WNT11: variants seen among roughly 807,000 people sequenced by gnomAD.
WNT11 encodes the protein Wnt family member 11.
WNT11 carries 20 observed loss-of-function variants against 35.6 expected under a neutral mutation model. The ratio of observed to expected loss-of-function variants is 0.56; its 90% confidence interval spans 0.40 to 0.82. The LOEUF (loss-of-function observed/expected upper bound fraction) is 0.82. WNT11 is among the 40% of genes least tolerant of loss of function. The pLI, the probability that WNT11 is intolerant of heterozygous loss-of-function variation, is 0.00. For missense variants in WNT11, 459 were observed against 504.4 expected (o/e 0.91, Z 0.86); for synonymous variants, 200 against 211.9 (o/e 0.94, Z 0.49).
rs1687733653 is a variant in WNT11, at chr11:76,186,664, G to A, written c.*401C>T. 1 of 338,806 alleles carries A rather than the reference G, an allele frequency of 3.0e-6. No individual in the cohort carries two copies. Among genetic ancestry groups the A allele is most frequent in the African/African-American group, 2.1e-5 (1 of 46,904 alleles). The allele number at this position is 338,806 out of a possible 1,614,324, so 21.0% of individuals were successfully genotyped here. A position where few individuals can be genotyped will look rare whatever the true frequency, so the allele number is the denominator to read the frequency against. The stretch of plus-strand genomic sequence containing the variant: ...CCATGTGGTGGGCCCAGCAGGCTCA[G>A]ACCCCAGGGTGGGCCAGGGGGTCCC... On this transcript the variant is annotated 3_prime_UTR_variant, in exon 5 of 5. Transcript: ENST00000322563.
At chr11:76,196,152 G>A (rs754285918) in intron 2 of WNT11, among the ~76,000 whole-genome samples, 2 of 152,216 alleles carry the variant, frequency 1.3e-5, no homozygotes, top group African/African-American at 4.8e-5. Context: ...TCCCTGACAT[G>A]TGGCCTCACG....
At chr11:76,188,975 G>T (rs889561720) in intron 4 of WNT11, among the ~76,000 whole-genome samples, 5 of 152,218 alleles carry the variant, frequency 3.3e-5, no homozygotes, top group Non-Finnish European at 1.5e-5. Context: ...GGGGCCATGG[G>T]CAGAAGGAGG....
Position 76,194,782 on chromosome 11 carries a change from G to A in WNT11, c.382C>T (p.Arg128Trp), listed in dbSNP as rs763210496. 4.8e-5 allele frequency: 74 copies of A among 1,554,344 alleles called. No individual in the cohort carries two copies. Among genetic ancestry groups the A allele is most frequent in the Non-Finnish European group, 5.9e-5 (68 of 1,152,752 alleles). ...GGCAGGTCGCCGGAGGTGCAGGCCC[G>A]GGCGATGGCGTGGCTGATGGCGGCG... ...SAAAISHAIA[R>W]ACTSGDLPGC... The change falls in exon 3 of 5, where the codon CGG becomes TGG. Residue 128 changes from arginine to tryptophan, a missense_variant. Transcript: ENST00000322563. This position sits in a 1 kb window ranked among gnomAD's most constrained non-coding sequence, Gnocchi z 5.4.
chr11:76,209,476 G>T (rs999709340), upstream of WNT11, among the ~76,000 whole-genome samples: 11 of 152,112 alleles, frequency 7.2e-5, no homozygotes, highest in Non-Finnish European at 1.2e-4. Context: ...TCCGCGCGGC[G>T]CGCAAGGTCG....
At chr11:76,208,719 G>A (rs1247052443), upstream of WNT11, among the ~76,000 whole-genome samples, 1 of 152,276 alleles carries the variant, frequency 6.6e-6, no homozygotes, top group South Asian at 2.1e-4. Context: ...CACAGCGGAC[G>A]GGGACCCAGG....
chr11:76,189,973 TAAG>T (rs1953157224), intron 4 of WNT11, among the ~76,000 whole-genome samples: 1 of 149,588 alleles, frequency 6.7e-6, no homozygotes, highest in African/African-American at 2.5e-5. Flanking sequence ...GCCAGGAGGG[TAAG>T]TGGTGCTGAG....
At chr11:76,204,344 G>C (rs1208539329) in intron 1 of WNT11, among the ~76,000 whole-genome samples, 2 of 152,186 alleles carry the variant, frequency 1.3e-5, no homozygotes, top group Non-Finnish European at 2.9e-5. Flanking sequence ...CAAGCTCTCG[G>C]AGCAGCGTCT....
intron 1 of WNT11, among the ~76,000 whole-genome samples, chr11:76,199,576 G>A (rs1337708533): frequency 6.6e-6 from 1 of 152,010 alleles, no homozygotes; most frequent in African/African-American, 2.4e-5. Flanking sequence ...AGGCTGAGGC[G>A]GGCAAATCAT....
chr11:76,208,037 T>C (rs1213437080), upstream of WNT11, among the ~76,000 whole-genome samples: 1 of 152,144 alleles, frequency 6.6e-6, no homozygotes, highest in Non-Finnish European at 1.5e-5. Flanking sequence ...AAAAGGGACG[T>C]TCTTATCTGG....
chr11:76,196,781 G>A (rs1274330214), intron 1 of WNT11, 63 bp from the exon 2 acceptor site: 2 of 1,483,572 alleles, frequency 1.3e-6, no homozygotes, highest in African/African-American at 1.4e-5. Context: ...GGGCCACATG[G>A]CCTCCACCCG....
Position 76,194,460 on chromosome 11 carries a change from C to G in WNT11, c.597+107G>C. ...CGAGGCACATCAGGTGTGGGCCAGT[C>G]AGGGCCCGTCCCCCCGCACCCCCCA... On this transcript the variant is annotated intron_variant, in intron 3 of 4. Coordinates refer to ENST00000322563, the MANE Select transcript of WNT11 (RefSeq NM_004626.3). This position sits in a 1 kb window ranked among gnomAD's most constrained non-coding sequence, Gnocchi z 5.4. The G allele has an allele frequency of 7.5e-7, 1 of 1,339,086 alleles. No individual in the cohort carries two copies. Among genetic ancestry groups the G allele is most frequent in the South Asian group, 1.5e-5 (1 of 67,932 alleles). The allele number at this position is 1,339,086 out of a possible 1,614,324, so 83.0% of individuals were successfully genotyped here.
rs145963588 is a variant in WNT11 at position 76,187,203 on chromosome 11, G to A, written c.927C>T (p.Cys309=). 72 of 1,607,244 alleles carry A rather than the reference G, an allele frequency of 4.5e-5. No individual in the cohort carries two copies. The highest frequency in any genetic ancestry group is 2.2e-4 in the South Asian group (20 of 91,086). ...AGCCACGCCCGCAGCACATAAGGTC[G>A]CAGCTGTCGCTTCCGTTGGATGTCT... The part of the protein sequence containing the change: ...CNKTSNGSDS[C]DLMCCGRGYN... Residue 309 remains cysteine, a synonymous_variant, in exon 5 of 5, where the codon TGC becomes TGT. Transcript: ENST00000322563.
Position 76,186,607 on chromosome 11 carries a change from A to T in WNT11, c.*458T>A. The T allele has an allele frequency of 5.0e-6, 1 of 200,280 alleles. No homozygotes were observed. Among genetic ancestry groups the T allele is most frequent in the South Asian group, 9.2e-5 (1 of 10,832 alleles). The allele number at this position is 200,280 out of a possible 1,614,324, so 12.4% of individuals were successfully genotyped here. On this transcript the variant is annotated 3_prime_UTR_variant, in exon 5 of 5. Transcript: ENST00000322563. ...CCAAAGGAAGAAAAAGCAAAAAACAAAAGAAAACATTTACAACCCAAGCTA... is the reference window on the plus strand; with the variant it reads ...CCAAAGGAAGAAAAAGCAAAAAACATAAGAAAACATTTACAACCCAAGCTA...
chr11:76,210,595 C>T, upstream of WNT11: 1 of 985,268 alleles, frequency 1.0e-6, no homozygotes, highest in Non-Finnish European at 1.2e-6. Flanking sequence ...AAGGCGCCCT[C>T]TTCGTGAAGC....
chr11:76,190,317 G>A (rs1332180157), intron 4 of WNT11, among the ~76,000 whole-genome samples: 1 of 152,096 alleles, frequency 6.6e-6, no homozygotes, highest in Non-Finnish European at 1.5e-5. Context: ...AGCCCTCCAT[G>A]TTCTAGAATC....
chr11:76,189,620 C>A (rs1279160899), intron 4 of WNT11, among the ~76,000 whole-genome samples: 7 of 152,308 alleles, frequency 4.6e-5, no homozygotes, highest in Admixed American at 1.3e-4. Context: ...TTACACCCAA[C>A]CCCCAACCTC....
chr11:76,201,906 G>A (rs1457779946), intron 1 of WNT11, among the ~76,000 whole-genome samples: 2 of 152,154 alleles, frequency 1.3e-5, no homozygotes, highest in Non-Finnish European at 2.9e-5. Context: ...CCTGTGTAAG[G>A]CACCTTCAAA....
At position 76,194,744 on chromosome 11, in the gene WNT11, G is replaced by C; in HGVS notation, c.420C>G (p.Cys140Trp). ...CTSGDLPGCSCGPVPGEPPGP... is the reference protein window; with the variant it reads ...CTSGDLPGCSWGPVPGEPPGP... ...CGGGTGGCTCACCTGGGACGGGGCC[G>C]CAGGAGCAGCCGGGCAGGTCGCCGG... The change falls in exon 3 of 5, where the codon TGC (cysteine) becomes TGG (tryptophan). Residue 140 changes from cysteine (C) to tryptophan (W), a missense_variant. Physicochemically the swap from Cys to Trp is radical, Grantham distance 215. Transcript: ENST00000322563. The surrounding 1 kb of genome is among the most constrained non-coding windows in gnomAD (Gnocchi z 5.4). 3 of 1,551,584 alleles carry C rather than the reference G, an allele frequency of 1.9e-6. No individual in the cohort carries two copies. The highest frequency in any genetic ancestry group is 2.6e-6 in the Non-Finnish European group (3 of 1,148,152).
intron 1 of WNT11, 21 bp downstream of exon 1, chr11:76,206,303 TG>T: frequency 6.6e-7 from 1 of 1,517,664 alleles, no homozygotes. Context: ...CCTGTGCGCG[TG>T]GACGCGGGGT....
Sources: allele counts gnomAD v4.1 joint callset (sites outside exome capture counted in the v4.1 genomes callset), GRCh38; gene constraint gnomAD v4.1.1; non-coding constraint Gnocchi (gnomAD v3.1); transcripts MANE v1.5; gene names NCBI Gene and HGNC (gene_info 2026-07-23, HGNC 2026-07-21).